The following SDHAF2 variants were observed in gnomAD, a reference collection of about 807,000 sequenced individuals.
SDHAF2 encodes succinate dehydrogenase complex assembly factor 2.
In SDHAF2, 21 loss-of-function variants were observed where a neutral mutation model predicts 18.5. That is an observed-to-expected ratio of 1.13 (90% CI 0.80 to 1.63). The LOEUF is 1.63. Among genes scored for constraint, SDHAF2 ranks in the 40% most tolerant of loss-of-function variants. The pLI, the probability that SDHAF2 is intolerant of heterozygous loss-of-function variation, is 0.00. For missense variants in SDHAF2, 195 were observed against 200.3 expected, an observed-to-expected ratio of 0.97 and a Z score of 0.16; for synonymous variants, 84 against 70.7, an observed-to-expected ratio of 1.19 and a Z score of -0.94.
chr11:61,439,068 C>T (rs1862033659), intron 3 of SDHAF2, among the ~76,000 whole-genome samples: 1 of 152,100 alleles, frequency 6.6e-6, no homozygotes, highest in South Asian at 2.1e-4. Context: ...TTCATTCAGG[C>T]ACTACCTTTA....
chr11:61,445,814 G>T, intron 3 of SDHAF2, 127 bp from the exon 4 acceptor site: 1 of 1,130,052 alleles, frequency 8.8e-7, no homozygotes, highest in Non-Finnish European at 1.3e-6. Flanking sequence ...TGTATATTTA[G>T]AAGAAGGATG....
intron 1 of SDHAF2, chr11:61,430,721 C>A (rs1446806039): frequency 1.9e-5 from 3 of 157,950 alleles, no homozygotes; most frequent in African/African-American, 7.2e-5. Flanking sequence ...ATATACAGTA[C>A]AGTGTTATTA....
chr11:61,446,008 CA>C lies in SDHAF2; in HGVS notation c.443del (p.Asn148ThrfsTer35), dbSNP rs1002286076. 2.5e-6 allele frequency: 4 copies of C among 1,614,034 alleles called. No homozygotes were observed. Among genetic ancestry groups the C allele is most frequent in the Non-Finnish European group, 3.4e-6 (4 of 1,180,022 alleles). On this transcript the variant is annotated frameshift_variant, in exon 4 of 4. Transcript: ENST00000301761. LOFTEE classifies it high-confidence loss of function. ...MALLRDFAKN[K>X]NKEQRLRAPD... Reference sequence around the variant, plus strand: ...CCCTGCTGAGAGACTTTGCTAAAAACAAAAACAAAGAGCAGAGACTGCGTGC... The same window carrying C: ...CCCTGCTGAGAGACTTTGCTAAAAACAAAACAAAGAGCAGAGACTGCGTGC...
At chr11:61,431,679 G>A (rs1343013237) in intron 1 of SDHAF2, 1 of 151,908 alleles carries the variant, frequency 6.6e-6, no homozygotes, top group Admixed American at 6.6e-5. Context: ...CATGTCTTTT[G>A]GTTGGGGAGG....
At chr11:61,444,636 G>A (rs574197039) in intron 3 of SDHAF2, among the ~76,000 whole-genome samples, 2 of 152,212 alleles carry the variant, frequency 1.3e-5, no homozygotes, top group East Asian at 1.9e-4. Context: ...CCAGCTACTC[G>A]GGAGGCTGAG....
chr11:61,442,526 A>G (rs1476095127), intron 3 of SDHAF2, among the ~76,000 whole-genome samples: 1 of 152,180 alleles, frequency 6.6e-6, no homozygotes, highest in Non-Finnish European at 1.5e-5. Flanking sequence ...TATTATATAC[A>G]TAGGTATTTA....
chr11:61,440,229 C>T (rs1171057292), intron 3 of SDHAF2, among the ~76,000 whole-genome samples: 1 of 151,978 alleles, frequency 6.6e-6, no homozygotes, highest in Non-Finnish European at 1.5e-5. Flanking sequence ...CTCTTGAATC[C>T]GGGAGGCAGA....
chr11:61,436,990 A>G (rs770211077), intron 1 of SDHAF2: 22 of 1,182,388 alleles, frequency 1.9e-5, no homozygotes, highest in Non-Finnish European at 2.2e-5. Context: ...ACCACACTGT[A>G]AGAATTTTAA....
chr11:61,443,142 A>G (rs762513406), intron 3 of SDHAF2, among the ~76,000 whole-genome samples: 1 of 152,210 alleles, frequency 6.6e-6, no homozygotes, highest in Non-Finnish European at 1.5e-5. Flanking sequence ...ATTAGATAAT[A>G]TCTATTGACC....
chr11:61,437,595 G>T, intron 1 of SDHAF2, 30 bp from the exon 2 acceptor site: 2 of 1,546,866 alleles, frequency 1.3e-6, no homozygotes, highest in Non-Finnish European at 1.8e-6. Flanking sequence ...CGTCATTATT[G>T]TAAAGATGTT....
Position 61,446,373 on chromosome 11 carries a change from G to A in SDHAF2, c.*302G>A, listed in dbSNP as rs1176307819. The stretch of plus-strand genomic sequence containing the variant: ...TCTGCCACGAGAGGGCACTGCAGGC[G>A]AAGCAGTTGTGCTTGCTCATTGCCT... On this transcript the variant is annotated 3_prime_UTR_variant, in exon 4 of 4. Coordinates refer to ENST00000301761, the MANE Select transcript of SDHAF2 (RefSeq NM_017841.4). The A allele has an allele frequency of 1.3e-5, 8 of 598,412 alleles. No homozygotes were observed. Among genetic ancestry groups the A allele is most frequent in the African/African-American group, 5.6e-5 (3 of 53,864 alleles). The allele number at this position is 598,412 out of a possible 1,614,324, so 37.1% of individuals were successfully genotyped here.
rs549764688 is a variant in SDHAF2, at chr11:61,434,591, CTT to C, written c.37-3016_37-3015del. On this transcript the variant is annotated intron_variant, in intron 1 of 3. Coordinates refer to ENST00000301761, the MANE Select transcript of SDHAF2 (RefSeq NM_017841.4). ...AGGCTTTCTTCACTCCTTCTCATTC[CTT>C]TTTTTTTTTTTTTTTTTAGAAAAAA... 18 of 118,972 alleles carry C rather than the reference CTT, an allele frequency of 1.5e-4. 1 individual carries two copies. Among genetic ancestry groups the C allele is most frequent in the South Asian group, 2.6e-4 (1 of 3,892 alleles). The allele number at this position is 118,972 out of a possible 1,614,324, so 7.4% of individuals were successfully genotyped here. A position where few individuals can be genotyped will look rare whatever the true frequency, so the allele number is the denominator to read the frequency against.
chr11:61,433,953 T>G (rs1025046286), intron 1 of SDHAF2: 2 of 152,298 alleles, frequency 1.3e-5, no homozygotes, highest in Non-Finnish European at 2.9e-5. Flanking sequence ...GGATCTTGCT[T>G]TGTTGCTCAG....
chr11:61,433,083 G>C (rs1416132471), intron 1 of SDHAF2: 1 of 149,420 alleles, frequency 6.7e-6, no homozygotes, highest in South Asian at 2.1e-4. Flanking sequence ...TCTGTTGCCA[G>C]GCTGGAGTGC....
intron 2 of SDHAF2, 62 bp from the exon 3 acceptor site, chr11:61,437,942 C>T: frequency 1.3e-6 from 2 of 1,575,636 alleles, no homozygotes; most frequent in Non-Finnish European, 1.7e-6. Context: ...CTTGGTGTCA[C>T]TTCTCTTTTA....
intron 3 of SDHAF2, among the ~76,000 whole-genome samples, chr11:61,439,020 G>C (rs1862033114): frequency 6.6e-6 from 1 of 151,980 alleles, no homozygotes; most frequent in Non-Finnish European, 1.5e-5. Context: ...CTCCATCCTG[G>C]GCAAAAGAGT....
At chr11:61,441,520 CAAA>C (rs1168050919) in intron 3 of SDHAF2, among the ~76,000 whole-genome samples, 2 of 83,870 alleles carry the variant, frequency 2.4e-5, no homozygotes, top group Non-Finnish European at 2.4e-5. Context: ...GGCTCCATCT[CAAA>C]AAAAAAAAAA....
At chr11:61,442,429 G>A (rs1862079230) in intron 3 of SDHAF2, among the ~76,000 whole-genome samples, 1 of 152,090 alleles carries the variant, frequency 6.6e-6, no homozygotes, top group Non-Finnish European at 1.5e-5. Context: ...AGTTTGTGAC[G>A]AGGTCTGCTG....
At chr11:61,441,905 AC>A (rs1862071761) in intron 3 of SDHAF2, among the ~76,000 whole-genome samples, 3 of 139,902 alleles carry the variant, frequency 2.1e-5, no homozygotes, top group African/African-American at 7.8e-5. Flanking sequence ...TTTTTTTGAG[AC>A]AGGATCTCAC....
Sources: gnomAD v4.1 joint callset for allele counts (sites outside exome capture counted in the v4.1 genomes callset) on GRCh38, gnomAD v4.1.1 for gene constraint, MANE v1.5 for transcripts, NCBI Gene and HGNC (gene_info 2026-07-23, HGNC 2026-07-21) for gene names.